The following ADAM22 variants were observed in gnomAD, a reference collection of about 807,000 sequenced individuals.
The protein encoded by ADAM22 is disintegrin and metalloproteinase domain-containing protein 22.
Under a neutral mutation model 144.6 loss-of-function variants are expected in ADAM22, and 65 were observed. That is an observed-to-expected ratio of 0.45 (90% CI 0.37 to 0.55). The LOEUF is 0.55. Ranked by LOEUF, ADAM22 falls within the 20% of genes least tolerant of loss-of-function variation. The pLI, the probability that ADAM22 is intolerant of heterozygous loss-of-function variation, is 0.00. For missense variants in ADAM22, 974 were observed against 1,184.9 expected (o/e 0.82, Z 2.61); for synonymous variants, 391 against 412.6 (o/e 0.95, Z 0.63).
chr7:88,042,985 A>C (rs1029111060), intron 3 of ADAM22, among the ~76,000 whole-genome samples: 1 of 151,612 alleles, frequency 6.6e-6, no homozygotes, highest in Non-Finnish European at 1.5e-5. Context: ...GGTAGCAAGA[A>C]GGTGGATGAC....
intron 3 of ADAM22, among the ~76,000 whole-genome samples, chr7:88,063,763 A>C (rs372500023): frequency 1.1e-4 from 17 of 152,208 alleles, no homozygotes; most frequent in Non-Finnish European, 1.5e-4. Flanking sequence ...TCAGAATAGC[A>C]TTAGACAGAC....
intron 2 of ADAM22, among the ~76,000 whole-genome samples, chr7:87,941,900 T>C (rs1842550332): frequency 6.6e-6 from 1 of 152,206 alleles, no homozygotes; most frequent in African/African-American, 2.4e-5. Flanking sequence ...TGCTTTCTCA[T>C]ATTGCAAAGA....
intron 4 of ADAM22, among the ~76,000 whole-genome samples, chr7:88,106,137 C>G (rs1312212981): frequency 6.6e-6 from 1 of 152,162 alleles, no homozygotes; most frequent in Non-Finnish European, 1.5e-5. Flanking sequence ...GTTCTAGTGT[C>G]TAGGACTTGT....
chr7:88,133,968 A>T (rs1317498694), intron 12 of ADAM22, among the ~76,000 whole-genome samples: 1 of 152,172 alleles, frequency 6.6e-6, no homozygotes, highest in Non-Finnish European at 1.5e-5. Flanking sequence ...TTCTAAAAAA[A>T]TTTACAGATT....
At chr7:88,025,345 G>C (rs1241551508) in intron 3 of ADAM22, among the ~76,000 whole-genome samples, 1 of 152,130 alleles carries the variant, frequency 6.6e-6, no homozygotes, top group Non-Finnish European at 1.5e-5. Flanking sequence ...TTTGTTGATT[G>C]TTTTCTTTGC....
rs1160488481 is a variant in ADAM22, at chr7:88,200,010, A to G, written c.*3519A>G. The G allele has an allele frequency of 1.3e-5, 2 of 152,160 alleles. No individual in the cohort carries two copies. Among genetic ancestry groups the G allele is most frequent in the African/African-American group, 4.8e-5 (2 of 41,438 alleles). The allele number at this position is 152,160 out of a possible 1,614,324, so 9.4% of individuals were successfully genotyped here. A position where few individuals can be genotyped will look rare whatever the true frequency, so the allele number is the denominator to read the frequency against. On this transcript the variant is annotated 3_prime_UTR_variant, in exon 32 of 32. Coordinates refer to ENST00000413139, the MANE Select transcript of ADAM22 (RefSeq NM_001324418.2). Reference sequence around the variant, plus strand: ...CATAACAGGCTTACATTTCTTTTCTATTGATTCCCTTGCATATCTACATAA... The same window carrying G: ...CATAACAGGCTTACATTTCTTTTCTGTTGATTCCCTTGCATATCTACATAA...
intron 22 of ADAM22, among the ~76,000 whole-genome samples, chr7:88,158,764 A>G (rs899429212): frequency 7.9e-5 from 12 of 152,138 alleles, no homozygotes; most frequent in Non-Finnish European, 1.5e-4. Context: ...AGGCAGTGTT[A>G]AGAGGGCAAT....
At position 88,053,896 on chromosome 7, in the gene ADAM22, T is replaced by C. The variant is rs557509184; in HGVS notation, c.324-21730T>C. On this transcript the variant is annotated intron_variant, in intron 3 of 31. Transcript: ENST00000413139. Reference sequence around the variant, plus strand: ...CTGTAATCGCAGCACTTTGGGAGGCTGAGGCGGGCAGATCACCTGAGGTCA... The same window carrying C: ...CTGTAATCGCAGCACTTTGGGAGGCCGAGGCGGGCAGATCACCTGAGGTCA... Among the ~76,000 whole-genome samples, 5 of 152,258 alleles carry C rather than the reference T, an allele frequency of 3.3e-5. No homozygotes were observed. The South Asian group carries it at 6.2e-4, about 19-fold the overall frequency.
intron 13 of ADAM22, among the ~76,000 whole-genome samples, 153 bp downstream of exon 13, chr7:88,134,572 A>G (rs1230733012): frequency 6.6e-6 from 1 of 152,218 alleles, no homozygotes; most frequent in Admixed American, 6.5e-5. Flanking sequence ...TTGTTTTCCA[A>G]AGTAATACAA....
intron 7 of ADAM22, among the ~76,000 whole-genome samples, chr7:88,118,260 T>C (rs751583715): frequency 6.6e-6 from 1 of 152,230 alleles, no homozygotes; most frequent in Non-Finnish European, 1.5e-5. Context: ...TTCCTAATGT[T>C]CCTTTCTCTC....
At chr7:88,009,841 A>G (rs1794955346) in intron 3 of ADAM22, among the ~76,000 whole-genome samples, 1 of 152,080 alleles carries the variant, frequency 6.6e-6, no homozygotes, top group Non-Finnish European at 1.5e-5. Context: ...TGTTTTGTTG[A>G]TTGAGTCAGC....
intron 4 of ADAM22, 48 bp downstream of exon 4, chr7:88,075,740 A>G: frequency 8.0e-7 from 1 of 1,242,662 alleles, no homozygotes; most frequent in East Asian, 2.3e-5. Flanking sequence ...AGAATCTTTT[A>G]ATACTACTGA....
chr7:88,092,439 T>C (rs1367973344), intron 4 of ADAM22, among the ~76,000 whole-genome samples: 1 of 152,246 alleles, frequency 6.6e-6, no homozygotes, highest in African/African-American at 2.4e-5. Flanking sequence ...TAACTTTACA[T>C]GTAACATCAG....
intron 2 of ADAM22, among the ~76,000 whole-genome samples, chr7:87,937,313 C>A (rs1332902825): frequency 6.6e-6 from 1 of 151,940 alleles, no homozygotes. Context: ...CCCTCTATTT[C>A]TTTTTTTTCC....
chr7:88,068,415 A>C lies in ADAM22; in HGVS notation c.324-7211A>C, dbSNP rs557866842. 1.0e-3 allele frequency among the ~76,000 whole-genome samples: 154 copies of C among 152,264 alleles called. 1 individual carries two copies. Among genetic ancestry groups the C allele is most frequent in the Non-Finnish European group, 1.4e-3 (94 of 68,024 alleles). On this transcript the variant is annotated intron_variant, in intron 3 of 31. Coordinates refer to ENST00000413139, the MANE Select transcript of ADAM22 (RefSeq NM_001324418.2). ...AATCTTTGATTTTCGATTGTGAACT[A>C]TGATCTGTGGGCTTCTTTTATTTTC...
At chr7:88,151,635 T>C (rs913134775) in intron 20 of ADAM22, among the ~76,000 whole-genome samples, 1 of 152,152 alleles carries the variant, frequency 6.6e-6, no homozygotes, top group Admixed American at 6.6e-5. Context: ...CCATGTATAC[T>C]CTTCTCAGCT....
chr7:88,097,725 A>G (rs1427132790), intron 4 of ADAM22, among the ~76,000 whole-genome samples: 3 of 152,074 alleles, frequency 2.0e-5, no homozygotes, highest in African/African-American at 4.8e-5. Flanking sequence ...CTCTTTGTGC[A>G]ACAATCATCT....
At chr7:88,117,754 C>T (rs149656509) in intron 7 of ADAM22, among the ~76,000 whole-genome samples, 2,220 of 149,808 alleles carry the variant, frequency 0.015, 21 homozygotes, top group Middle Eastern at 0.034. Flanking sequence ...AATGCAGTGA[C>T]GCGACCTCAG....
At chr7:88,073,773 C>T (rs571031894) in intron 3 of ADAM22, among the ~76,000 whole-genome samples, 12 of 152,224 alleles carry the variant, frequency 7.9e-5, no homozygotes, top group African/African-American at 2.9e-4. Flanking sequence ...TTACAAGGAC[C>T]AGAGTTGAGG....
Sources: allele counts gnomAD v4.1 joint callset (sites outside exome capture counted in the v4.1 genomes callset), GRCh38; gene constraint gnomAD v4.1.1; transcripts MANE v1.5; gene names NCBI Gene and HGNC (gene_info 2026-07-23, HGNC 2026-07-21).